Variants in CARD9 observed in about 807,000 individuals in gnomAD.
CARD9 encodes the protein caspase recruitment domain-containing protein 9.
CARD9 carries 53 observed loss-of-function variants against 66.0 expected under a neutral mutation model. The observed-to-expected ratio is 0.80, with a 90% confidence interval of 0.64 to 1.01. The LOEUF (loss-of-function observed/expected upper bound fraction) is 1.01, where lower values mean the gene tolerates loss of function less well. Ranked by LOEUF, CARD9 falls within the 50% of genes least tolerant of loss-of-function variation. The pLI is 0.00. For missense variants in CARD9, 769 were observed against 743.2 expected (o/e 1.03, Z -0.40); for synonymous variants, 387 against 313.8 (o/e 1.23, Z -2.47).
At chr9:136,366,602 G>A (rs1833129473) in intron 10 of CARD9, 198 bp downstream of exon 10, 1 of 634,392 alleles carries the variant, frequency 1.6e-6, no homozygotes, top group African/African-American at 1.8e-5. Flanking sequence ...CTGGGGCCCT[G>A]GGTTCCAGCT....
At position 136,364,295 on chromosome 9, in the gene CARD9, G is replaced by T. The variant is rs755515364; in HGVS notation, c.*7C>A. On this transcript the variant is annotated 3_prime_UTR_variant, in exon 13 of 13. Transcript: ENST00000371732. ...GTGTGCCCTGGTCGGGGCCTGCGCTGCTGCGGCTAGGAGCCCTCAGTGTCG... is the reference window on the plus strand; with the variant it reads ...GTGTGCCCTGGTCGGGGCCTGCGCTTCTGCGGCTAGGAGCCCTCAGTGTCG... 6.4e-7 allele frequency: 1 copy of T among 1,554,668 alleles called. No homozygotes were observed. Among genetic ancestry groups the T allele is most frequent in the East Asian group, 2.4e-5 (1 of 41,506 alleles).
Position 136,367,604 on chromosome 9 carries a change from G to A in CARD9, c.1269+33C>T, listed in dbSNP as rs533832731. The A allele has an allele frequency of 2.1e-4, 328 of 1,543,030 alleles. 1 individual carries two copies. The South Asian group carries it at 2.8e-3, about 13-fold the overall frequency. On this transcript the variant is annotated intron_variant, in intron 8 of 12. Coordinates refer to ENST00000371732, the MANE Select transcript of CARD9 (RefSeq NM_052813.5). ...CCCCTGGCCCTGCATCCCACGCGCCGGCTCCCCTCCCTGCCGCAGGCCCCA... is the reference window on the plus strand; with the variant it reads ...CCCCTGGCCCTGCATCCCACGCGCCAGCTCCCCTCCCTGCCGCAGGCCCCA...
At chr9:136,366,959 C>T (rs2131436269) in intron 9 of CARD9, 114 bp from the exon 10 acceptor site, 4 of 1,279,932 alleles carry the variant, frequency 3.1e-6, no homozygotes, top group Middle Eastern at 4.0e-4. Context: ...GCCGTCACCC[C>T]CTGCACAGAG....
chr9:136,371,880 C>A lies in CARD9; in HGVS notation c.184+15G>T. ...GGTTGGGTTTGGGGCCTGGGGCCCG[C>A]GGGGCAACACTGACCCACTTTCCGT... is the stretch of plus-strand genomic sequence containing the variant. On this transcript the variant is annotated intron_variant, in intron 2 of 12. Coordinates refer to ENST00000371732, the MANE Select transcript of CARD9 (RefSeq NM_052813.5). 6.3e-7 allele frequency: 1 copy of A among 1,581,504 alleles called. No individual in the cohort carries two copies.
At position 136,366,782 on chromosome 9, in the gene CARD9, C is replaced by G; in HGVS notation, c.1357+18G>C. 1 of 1,612,954 alleles carries G rather than the reference C, an allele frequency of 6.2e-7. No homozygotes were observed. On this transcript the variant is annotated intron_variant, in intron 10 of 12. Coordinates refer to ENST00000371732, the MANE Select transcript of CARD9 (RefSeq NM_052813.5). Reference sequence around the variant, plus strand: ...GGAAGCTGGGAGGCCTCTGGGTGTACTGCTGTCCCCACCTCACCTTTGTCT... The same window carrying G: ...GGAAGCTGGGAGGCCTCTGGGTGTAGTGCTGTCCCCACCTCACCTTTGTCT...
chr9:136,366,551 A>ACC (rs1467462895), intron 10 of CARD9: 9 of 570,874 alleles, frequency 1.6e-5, no homozygotes, highest in Non-Finnish European at 2.8e-5. Context: ...GGCTGCCCAG[A>ACC]CCCCCACACT....
rs1194605817 is a variant in CARD9 at position 136,364,240 on chromosome 9, C to T, written c.*62G>A. ...AAGTCTGCGCCCCAGGGCGTCGGCACCCCCGGGTGGCAGGAGGCCGGGCCG... is the reference window on the plus strand; with the variant it reads ...AAGTCTGCGCCCCAGGGCGTCGGCATCCCCGGGTGGCAGGAGGCCGGGCCG... On this transcript the variant is annotated 3_prime_UTR_variant, in exon 13 of 13. Transcript: ENST00000371732. 5.2e-6 allele frequency: 8 copies of T among 1,550,258 alleles called. No individual in the cohort carries two copies. Among genetic ancestry groups the T allele is most frequent in the South Asian group, 1.2e-5 (1 of 84,062 alleles).
Position 136,371,275 on chromosome 9 carries a change from G to A in CARD9, c.322+49C>T, listed in dbSNP as rs368174232. The A allele has an allele frequency of 5.6e-5, 88 of 1,576,862 alleles. 1 individual carries two copies. In the African/African-American group the frequency reaches 8.8e-4, roughly 16 times the overall value. On this transcript the variant is annotated intron_variant, in intron 3 of 12. Transcript: ENST00000371732. ...GGCAGAGGACCCAACACCACTGCCC[G>A]CTCCCCGCCAGCGCCTCCCCTGTCG... is the stretch of plus-strand genomic sequence containing the variant.
In CARD9 at chr9:136,371,468, G is replaced by A. The variant is rs1304126992; in HGVS notation, c.185-7C>T. On this transcript the variant is annotated splice_region_variant and splice_polypyrimidine_tract_variant and intron_variant, in intron 2 of 12. Coordinates refer to ENST00000371732, the MANE Select transcript of CARD9 (RefSeq NM_052813.5). The stretch of plus-strand genomic sequence containing the variant: ...AGGATGTCCAGGAGCACACCTGCGG[G>A]CCAGAGAGGCCTAACTGGGGGCGGG... 5 of 1,537,036 alleles carry A rather than the reference G, an allele frequency of 3.3e-6. No homozygotes were observed. The highest frequency in any genetic ancestry group is 1.2e-5 in the South Asian group (1 of 85,716).
intron 11 of CARD9, chr9:136,364,871 T>A (rs1345953396): frequency 8.4e-6 from 5 of 594,672 alleles, no homozygotes; most frequent in East Asian, 5.6e-5. Context: ...TGTGTTCACC[T>A]CCTCATCCAC....
chr9:136,371,757 G>A, intron 2 of CARD9, 138 bp downstream of exon 2: 1 of 1,381,994 alleles, frequency 7.2e-7, no homozygotes, highest in Non-Finnish European at 9.9e-7. Context: ...GGTTGAGGTT[G>A]GGCCTCAGTC....
Position 136,367,715 on chromosome 9 carries a change from C to T in CARD9, c.1191G>A (p.Leu397=). The part of the protein sequence containing the change: ...ELGEKADELQ[L]QVFQCEAQLL... ...GCTGCGCCTCACACTGGAACACCTGCAGCTGCAGCTCATCCGCCTTCTCGC... is the reference window on the plus strand; with the variant it reads ...GCTGCGCCTCACACTGGAACACCTGTAGCTGCAGCTCATCCGCCTTCTCGC... The change falls in exon 8 of 13, where the codon CTG becomes CTA. Residue 397 remains leucine, a synonymous_variant. Coordinates refer to ENST00000371732, the MANE Select transcript of CARD9 (RefSeq NM_052813.5). 1 of 1,604,562 alleles carries T rather than the reference C, an allele frequency of 6.2e-7. No individual in the cohort carries two copies. The highest frequency in any genetic ancestry group is 8.5e-7 in the Non-Finnish European group (1 of 1,179,254).
Position 136,371,893 on chromosome 9 carries a change from A to G in CARD9, c.184+2T>C, listed in dbSNP as rs1833284681. On this transcript the variant is annotated splice_donor_variant, in intron 2 of 12. Coordinates refer to ENST00000371732, the MANE Select transcript of CARD9 (RefSeq NM_052813.5). LOFTEE classifies it high-confidence loss of function. ...GCCTGGGGCCCGCGGGGCAACACTG[A>G]CCCACTTTCCGTTTGCGGATGACCA... 6.3e-7 allele frequency: 1 copy of G among 1,597,708 alleles called. No individual in the cohort carries two copies. Among genetic ancestry groups the G allele is most frequent in the African/African-American group, 1.3e-5 (1 of 74,642 alleles).
rs1052362867 is a variant in CARD9 at position 136,368,122 on chromosome 9, C to T, written c.1078-294G>A. On this transcript the variant is annotated intron_variant, in intron 7 of 12. Transcript: ENST00000371732. ...GTGCACATTTGATAAATTTTGGACG[C>T]GGCTTGATATGGAGACCCTGACTGT... The T allele has an allele frequency of 1.2e-5, 12 of 1,035,514 alleles. No homozygotes were observed. In the African/African-American group the frequency reaches 1.2e-4, roughly 10 times the overall value. 64.1% of individuals were successfully genotyped at this position (1,035,514 alleles called of 1,614,324 possible). A position where few individuals can be genotyped will look rare whatever the true frequency, so the allele number is the denominator to read the frequency against.
intron 8 of CARD9, 127 bp from the exon 9 acceptor site, chr9:136,367,384 C>T: frequency 8.6e-7 from 1 of 1,158,214 alleles, no homozygotes; most frequent in Non-Finnish European, 1.2e-6. Context: ...ACCAGGCCCC[C>T]TCCATGCCCA....
At chr9:136,366,537 T>A in intron 10 of CARD9, 1 of 552,752 alleles carries the variant, frequency 1.8e-6, no homozygotes, top group Non-Finnish European at 3.3e-6. Flanking sequence ...CTGCAGCCCA[T>A]GGGGGCTGCC....
intron 2 of CARD9, 70 bp from the exon 3 acceptor site, chr9:136,371,531 G>A: frequency 6.6e-7 from 1 of 1,518,538 alleles, no homozygotes; most frequent in Non-Finnish European, 8.9e-7. Flanking sequence ...GGTGGGCCTG[G>A]GGGCAGGGAC....
intron 9 of CARD9, 26 bp downstream of exon 9, chr9:136,367,190 C>T (rs948057086): frequency 6.2e-7 from 1 of 1,609,358 alleles, no homozygotes; most frequent in African/African-American, 1.3e-5. Context: ...GAAGGCCAGC[C>T]TCGTGCTGGC....
intron 9 of CARD9, 152 bp downstream of exon 9, chr9:136,367,064 C>T: frequency 4.8e-6 from 5 of 1,034,822 alleles, no homozygotes; most frequent in East Asian, 2.6e-5. Flanking sequence ...CCATCAGAGG[C>T]CTTAGCATTT....
Sources: allele counts gnomAD v4.1 joint callset, GRCh38; gene constraint gnomAD v4.1.1; transcripts MANE v1.5; gene names NCBI Gene and HGNC (gene_info 2026-07-23, HGNC 2026-07-21).